CLSTN2: variants seen among roughly 807,000 people sequenced by gnomAD.
The protein encoded by CLSTN2 is calsyntenin 2.
A neutral mutation model predicts 101.2 loss-of-function variants in CLSTN2; 48 were observed. The ratio of observed to expected loss-of-function variants is 0.47; its 90% CI spans 0.38 to 0.60. The LOEUF (loss-of-function observed/expected upper bound fraction) is 0.60. Among genes scored for constraint, CLSTN2 ranks in the 20% least tolerant of loss-of-function variants. The pLI is 0.00. For missense variants in CLSTN2, 1,160 were observed against 1,238.2 expected (o/e 0.94, Z 0.95); for synonymous variants, 481 against 463.6 (o/e 1.04, Z -0.48).
In CLSTN2 at chr3:140,448,694, A is replaced by G. The variant is rs2081803; in HGVS notation, c.963A>G (p.Gln321=). 1,385,622 of 1,609,958 alleles carry G rather than the reference A, an allele frequency of 0.86. 598,237 individuals carry two copies. Among genetic ancestry groups the G allele is most frequent in the African/African-American group, 0.98 (73,153 of 75,000 alleles). ...DRETYSEKSL[Q]KLCGASSGII... ...AGACCTACTCTGAGAAATCCCTTCA[A>G]AAGTTATGTGGTAGGTTTTTCCCTT... The change falls in exon 6 of 17, where the codon CAA becomes CAG. Residue 321 remains glutamine (Q), a synonymous_variant. Coordinates refer to ENST00000458420, the MANE Select transcript of CLSTN2 (RefSeq NM_022131.3).
At chr3:140,132,231 G>T (rs916202663) in intron 1 of CLSTN2, among the ~76,000 whole-genome samples, 1 of 152,152 alleles carries the variant, frequency 6.6e-6, no homozygotes. Context: ...GCCTTCCTCT[G>T]ATTTCTATGA....
At chr3:140,216,555 A>G (rs1424323847) in intron 2 of CLSTN2, among the ~76,000 whole-genome samples, 2 of 152,146 alleles carry the variant, frequency 1.3e-5, no homozygotes, top group Non-Finnish European at 2.9e-5. Flanking sequence ...TACAAAAATT[A>G]AAAAACCAAA....
intron 2 of CLSTN2, among the ~76,000 whole-genome samples, chr3:140,278,336 A>G (rs2086813748): frequency 9.6e-6 from 1 of 103,956 alleles, no homozygotes; most frequent in Non-Finnish European, 2.0e-5. Flanking sequence ...GCTTTTTGCT[A>G]TTTTTCTCCA....
At chr3:139,995,548 A>C (rs1276911595) in intron 1 of CLSTN2, among the ~76,000 whole-genome samples, 2 of 152,160 alleles carry the variant, frequency 1.3e-5, no homozygotes, top group Non-Finnish European at 2.9e-5. Flanking sequence ...AGTTCTGGAC[A>C]TCTTGATGTG....
chr3:140,202,317 G>A (rs1288224041), intron 2 of CLSTN2, among the ~76,000 whole-genome samples: 1 of 152,200 alleles, frequency 6.6e-6, no homozygotes, highest in African/African-American at 2.4e-5. Context: ...ATATCAGCAG[G>A]TGAGAAGTAG....
chr3:139,959,761 C>T (rs1935471509), intron 1 of CLSTN2, among the ~76,000 whole-genome samples: 1 of 152,096 alleles, frequency 6.6e-6, no homozygotes, highest in African/African-American at 2.4e-5. Flanking sequence ...TTTTACTCTA[C>T]CTGCTCACAC....
At chr3:140,019,651 G>A (rs190718321) in intron 1 of CLSTN2, among the ~76,000 whole-genome samples, 1 of 152,252 alleles carries the variant, frequency 6.6e-6, no homozygotes, top group African/African-American at 2.4e-5. Flanking sequence ...AGCAGAGGAA[G>A]GATATGATTG....
intron 1 of CLSTN2, among the ~76,000 whole-genome samples, chr3:140,128,791 T>C (rs1344836051): frequency 2.0e-5 from 3 of 151,992 alleles, no homozygotes; most frequent in African/African-American, 7.3e-5. Flanking sequence ...ATTGATGGGG[T>C]CCATGTGGCC....
intron 1 of CLSTN2, among the ~76,000 whole-genome samples, chr3:140,015,790 A>G (rs2007188546): frequency 6.6e-6 from 1 of 152,218 alleles, no homozygotes; most frequent in Non-Finnish European, 1.5e-5. Context: ...ATTATGGCAG[A>G]CTGTTCTGGT....
At chr3:140,046,926 G>T (rs1379295951) in intron 1 of CLSTN2, among the ~76,000 whole-genome samples, 3 of 151,668 alleles carry the variant, frequency 2.0e-5, no homozygotes, top group African/African-American at 7.3e-5. Flanking sequence ...ATCCTGGATT[G>T]GTGTTGCCTG....
At chr3:140,234,501 T>A (rs2086399200) in intron 2 of CLSTN2, among the ~76,000 whole-genome samples, 1 of 152,188 alleles carries the variant, frequency 6.6e-6, no homozygotes, top group Non-Finnish European at 1.5e-5. Flanking sequence ...ACCAAGGTCA[T>A]AGTGGAGAGT....
intron 8 of CLSTN2, among the ~76,000 whole-genome samples, chr3:140,485,295 C>T (rs1934213593): frequency 6.6e-6 from 1 of 152,238 alleles, no homozygotes; most frequent in Non-Finnish European, 1.5e-5. Context: ...GCAAATGTTG[C>T]TGCCTGATTG....
In CLSTN2 at chr3:140,321,566, C is replaced by CA. The variant is rs1284944510; in HGVS notation, c.233-82063_233-82062insA. ...CCTCCAAGCTAATAATGTAACACCC[C>CA]TGCAAGCTGATAGTCCTTAAATTTT... On this transcript the variant is annotated intron_variant, in intron 2 of 16. Transcript: ENST00000458420. Among the ~76,000 whole-genome samples the CA allele has an allele frequency of 2.0e-5, 3 of 152,266 alleles. No homozygotes were observed. In the East Asian group the frequency reaches 5.8e-4, roughly 29 times the overall value.
chr3:140,441,909 G>A (rs2088771303), intron 5 of CLSTN2, among the ~76,000 whole-genome samples: 1 of 152,150 alleles, frequency 6.6e-6, no homozygotes, highest in South Asian at 2.1e-4. Flanking sequence ...CACCTTCTGA[G>A]ACATGGCAGC....
intron 4 of CLSTN2, among the ~76,000 whole-genome samples, chr3:140,417,718 A>G (rs1390695123): frequency 1.3e-5 from 2 of 152,218 alleles, no homozygotes; most frequent in Admixed American, 1.3e-4. Flanking sequence ...CAAATATGGG[A>G]GAAAAAGATA....
At chr3:140,411,281 A>G (rs1441988891) in intron 4 of CLSTN2, among the ~76,000 whole-genome samples, 1 of 152,244 alleles carries the variant, frequency 6.6e-6, no homozygotes, top group African/African-American at 2.4e-5. Flanking sequence ...AGCTATACTT[A>G]TATCAAACAA....
chr3:140,014,722 G>A (rs997377058), intron 1 of CLSTN2, among the ~76,000 whole-genome samples: 1 of 152,166 alleles, frequency 6.6e-6, no homozygotes, highest in Non-Finnish European at 1.5e-5. Flanking sequence ...GAAGAGTGAG[G>A]AATAGGGAGA....
chr3:140,459,711 C>T lies in CLSTN2; in HGVS notation c.1164C>T (p.Gly388=), dbSNP rs377465659. ...CCATCACCATGTGGATGAAACACGG[C>T]CCCAGCCCTGGTGTGAGAGCCGAGA... The part of the protein sequence containing the change: ...QFTITMWMKH[G]PSPGVRAEKE... Residue 388 remains glycine, a synonymous_variant, in exon 7 of 17, where the codon GGC becomes GGT. Coordinates refer to ENST00000458420, the MANE Select transcript of CLSTN2 (RefSeq NM_022131.3). 5 of 1,614,158 alleles carry T rather than the reference C, an allele frequency of 3.1e-6. No homozygotes were observed. The highest frequency in any genetic ancestry group is 2.2e-5 in the South Asian group (2 of 91,078).
At chr3:140,030,124 G>C (rs147434176) in intron 1 of CLSTN2, among the ~76,000 whole-genome samples, 1 of 152,040 alleles carries the variant, frequency 6.6e-6, no homozygotes, top group Non-Finnish European at 1.5e-5. Context: ...CAGACCGAGG[G>C]GACAGCAACA....
Sources: allele counts gnomAD v4.1 joint callset (sites outside exome capture counted in the v4.1 genomes callset), GRCh38; gene constraint gnomAD v4.1.1; transcripts MANE v1.5; gene names NCBI Gene and HGNC (gene_info 2026-07-23, HGNC 2026-07-21).